The following SPATA6 variants were observed in gnomAD, a reference collection of about 807,000 sequenced individuals.
SPATA6 encodes the protein spermatogenesis associated 6, also known as spermatogenesis-associated protein 6.
A neutral mutation model predicts 65.3 loss-of-function variants in SPATA6; 56 were observed. The observed-to-expected ratio is 0.86, with a 90% CI of 0.69 to 1.07. SPATA6 has a LOEUF of 1.07. Among genes scored for constraint, SPATA6 ranks in the 50% least tolerant of loss-of-function variants. The pLI, the probability that SPATA6 is intolerant of heterozygous loss-of-function variation, is 0.00. For synonymous variants in SPATA6, 199 were observed against 213.2 expected (o/e 0.93, Z 0.58); for missense variants, 590 against 594.8 (o/e 0.99, Z 0.08).
intron 9 of SPATA6, among the ~76,000 whole-genome samples, chr1:48,364,783 G>A (rs1257948828): frequency 6.6e-6 from 1 of 152,152 alleles, no homozygotes; most frequent in African/African-American, 2.4e-5. Context: ...CTTTTGCTGT[G>A]CAGAAGCTCT....
At chr1:48,447,684 T>A (rs1345054767) in intron 3 of SPATA6, among the ~76,000 whole-genome samples, 3 of 152,168 alleles carry the variant, frequency 2.0e-5, no homozygotes, top group Non-Finnish European at 4.4e-5. Flanking sequence ...GTAAAAAAGT[T>A]AAAATCCTAC....
intron 10 of SPATA6, among the ~76,000 whole-genome samples, chr1:48,358,476 C>T: frequency 6.6e-6 from 1 of 151,762 alleles, no homozygotes; most frequent in East Asian, 1.9e-4. Flanking sequence ...GGAAAACTTA[C>T]AGAGATGACA....
At chr1:48,378,608 A>C (rs1479982198) in intron 9 of SPATA6, among the ~76,000 whole-genome samples, 1 of 152,186 alleles carries the variant, frequency 6.6e-6, no homozygotes, top group East Asian at 1.9e-4. Flanking sequence ...AGGAAGAAGC[A>C]AAAGCGGAAA....
intron 11 of SPATA6, among the ~76,000 whole-genome samples, chr1:48,332,487 G>A (rs1474795195): frequency 1.3e-5 from 2 of 152,140 alleles, no homozygotes; most frequent in African/African-American, 4.8e-5. Flanking sequence ...AGAAGACAAA[G>A]AAGGGCATTA....
chr1:48,471,895 C>A, intron 1 of SPATA6, 63 bp downstream of exon 1: 1 of 1,584,400 alleles, frequency 6.3e-7, no homozygotes, highest in Admixed American at 1.7e-5. Flanking sequence ...TCCGGGCTCT[C>A]GGAGGTGACT....
intron 11 of SPATA6, among the ~76,000 whole-genome samples, chr1:48,339,930 T>C (rs370683667): frequency 6.6e-6 from 1 of 152,020 alleles, no homozygotes; most frequent in South Asian, 2.1e-4. Flanking sequence ...CCTCATCCTT[T>C]TGGCTATGAT....
chr1:48,367,311 T>G (rs1430722239), intron 9 of SPATA6, among the ~76,000 whole-genome samples: 1 of 152,186 alleles, frequency 6.6e-6, no homozygotes, highest in Non-Finnish European at 1.5e-5. Context: ...GTCTATTAGG[T>G]CTGCTTGGTG....
intron 3 of SPATA6, among the ~76,000 whole-genome samples, chr1:48,444,111 C>T (rs1655779118): frequency 6.6e-6 from 1 of 152,164 alleles, no homozygotes; most frequent in South Asian, 2.1e-4. Context: ...GTGAAGCCAG[C>T]TGGATTTCCT....
the SPATA6 span, among the ~76,000 whole-genome samples, chr1:48,264,392 T>G: frequency 6.6e-6 from 1 of 152,184 alleles, no homozygotes; most frequent in Non-Finnish European, 1.5e-5. Context: ...TGTTATACTT[T>G]AAGTTCTGGG....
At position 48,403,890 on chromosome 1, in the gene SPATA6, G is replaced by GA. The variant is rs775127035; in HGVS notation, c.406-9dup. 2.5e-6 allele frequency: 4 copies of GA among 1,585,282 alleles called. No individual in the cohort carries two copies. Among genetic ancestry groups the GA allele is most frequent in the Non-Finnish European group, 3.4e-6 (4 of 1,162,000 alleles). ...CAGCCTTGGAGCATTTCCCTGAGAA[G>GA]AAAAAAGAGGGTATTATTACACATT... On this transcript the variant is annotated splice_polypyrimidine_tract_variant and intron_variant, in intron 5 of 12. Coordinates refer to ENST00000371847, the MANE Select transcript of SPATA6 (RefSeq NM_019073.4).
chr1:48,366,155 T>C (rs1238435605), intron 9 of SPATA6, among the ~76,000 whole-genome samples: 1 of 152,202 alleles, frequency 6.6e-6, no homozygotes, highest in East Asian at 1.9e-4. Context: ...CACTTGATCA[T>C]GGTGGATAAG....
intron 9 of SPATA6, among the ~76,000 whole-genome samples, chr1:48,382,461 G>T (rs1393291177): frequency 1.5e-5 from 2 of 137,382 alleles, no homozygotes; most frequent in Non-Finnish European, 3.1e-5. Flanking sequence ...TGGGCGGGGG[G>T]CTGTCCCCCC....
chr1:48,277,355 G>A, the SPATA6 span, among the ~76,000 whole-genome samples: 809 of 152,096 alleles, frequency 5.3e-3, 20 homozygotes, highest in South Asian at 0.05. Context: ...CGCACCATGC[G>A]TGAGCCAAAG....
chr1:48,328,787 A>C (rs549961111), intron 11 of SPATA6, among the ~76,000 whole-genome samples: 2 of 152,308 alleles, frequency 1.3e-5, no homozygotes, highest in East Asian at 3.9e-4. Context: ...TTAAAATAAA[A>C]AGCCTTTAGA....
chr1:48,273,281 G>A, the SPATA6 span, among the ~76,000 whole-genome samples: 16 of 152,066 alleles, frequency 1.1e-4, no homozygotes, highest in South Asian at 1.2e-3. Flanking sequence ...AGTTGATTTT[G>A]TGTATGGTAT....
chr1:48,434,606 G>C (rs866147338), intron 3 of SPATA6, among the ~76,000 whole-genome samples: 1 of 152,164 alleles, frequency 6.6e-6, no homozygotes, highest in South Asian at 2.1e-4. Context: ...ATAAGTGAGA[G>C]AGCAAGCCAT....
intron 11 of SPATA6, among the ~76,000 whole-genome samples, chr1:48,341,882 A>C (rs1646225033): frequency 6.6e-6 from 1 of 152,216 alleles, no homozygotes; most frequent in Non-Finnish European, 1.5e-5. Context: ...ATGCAAGTTC[A>C]GTACATCTGT....
chr1:48,398,442 T>G (rs1007668549), intron 7 of SPATA6, among the ~76,000 whole-genome samples: 11 of 151,732 alleles, frequency 7.2e-5, no homozygotes, highest in Admixed American at 6.6e-4. Context: ...AAGGGGCATA[T>G]TTACATGTTG....
rs1328559869 is a variant in SPATA6 at position 48,451,598 on chromosome 1, C to T, written c.192G>A (p.Val64=). The change falls in exon 3 of 13, where the codon GTG becomes GTA. Residue 64 remains valine (V), a splice_region_variant and synonymous_variant. Transcript: ENST00000371847. ...CTCCAGGATCTACTGCGTCCGGGAA[C>T]ACCTATAGTGAGACGATACAGGGAG... is the stretch of plus-strand genomic sequence containing the variant. ...VFNARMVFEK[V]FPDAVDPGDV... is the part of the protein sequence containing the mutation. 2 of 1,611,912 alleles carry T rather than the reference C, an allele frequency of 1.2e-6. No individual in the cohort carries two copies. The highest frequency in any genetic ancestry group is 2.2e-5 in the East Asian group (1 of 44,792).
Sources: gnomAD v4.1 joint callset for allele counts (sites outside exome capture counted in the v4.1 genomes callset) on GRCh38, gnomAD v4.1.1 for gene constraint, MANE v1.5 for transcripts, NCBI Gene and HGNC (gene_info 2026-07-23, HGNC 2026-07-21) for gene names.